SYTL4: variants seen among roughly 807,000 people sequenced by gnomAD.
SYTL4 encodes the protein synaptotagmin like 4.
In SYTL4, 16 loss-of-function variants were observed where a neutral mutation model predicts 52.7. That is an observed-to-expected ratio of 0.30 (90% confidence interval 0.21 to 0.46). The LOEUF (loss-of-function observed/expected upper bound fraction) is 0.46. SYTL4 is among the 20% of genes least tolerant of loss of function. The pLI is 1.00. For missense variants in SYTL4, 423 were observed against 519.9 expected, an observed-to-expected ratio of 0.81 and a Z score of 1.81; for synonymous variants, 160 against 186.6, an observed-to-expected ratio of 0.86 and a Z score of 1.16.
intron 2 of SYTL4, among the ~76,000 whole-genome samples, chrX:100,722,480 A>T (rs2147826804): frequency 9.0e-6 from 1 of 111,591 alleles, no homozygotes; most frequent in East Asian, 2.8e-4. Context: ...AAATAGAAAT[A>T]CCATCAGACA....
At chrX:100,716,924 T>G (rs925278689) in intron 2 of SYTL4, among the ~76,000 whole-genome samples, 1 of 112,078 alleles carries the variant, frequency 8.9e-6, no homozygotes, top group Non-Finnish European at 1.9e-5. Context: ...CAAAGTTCCC[T>G]TTGGATTCAG....
Position 100,700,973 on chromosome X carries a change from A to C in SYTL4, c.463T>G (p.Ser155Ala). ...CCCATCTGTGTCTGATGAAGGAGGG[A>C]CTGTCCCACTGTCTCTCTTTTACTC... ...AVSKRETVGQ[S>A]LLHQTQMGDI... The change falls in exon 8 of 20, where the codon TCC (serine) becomes GCC (alanine). Residue 155 changes from serine (S) to alanine (A), a missense_variant. Physicochemically the swap from Ser to Ala is moderately conservative, Grantham distance 99. Coordinates refer to ENST00000372989, the MANE Select transcript of SYTL4 (RefSeq NM_001370165.1). The C allele has an allele frequency of 8.3e-7, 1 of 1,206,833 alleles. No homozygotes were observed. The highest frequency in any genetic ancestry group is 3.0e-5 in the East Asian group (1 of 33,815).
chrX:100,711,126 G>A (rs1435318704), intron 2 of SYTL4, among the ~76,000 whole-genome samples: 1 of 111,843 alleles, frequency 8.9e-6, no homozygotes, highest in East Asian at 2.8e-4. Flanking sequence ...CCCAGATTAT[G>A]CACTGCTCTG....
At chrX:100,689,639 C>A (rs866742658) in intron 12 of SYTL4, among the ~76,000 whole-genome samples, 26 of 39,625 alleles carry the variant, frequency 6.6e-4, no homozygotes, top group African/African-American at 1.8e-3. Flanking sequence ...AACTCCGTCT[C>A]AAAAAAAAAA....
chrX:100,701,696 C>T (rs192325327), intron 5 of SYTL4, 23 bp from the exon 6 acceptor site: 35 of 1,175,479 alleles, frequency 3.0e-5, no homozygotes, highest in Admixed American at 1.1e-4. Flanking sequence ...AAAACAGAAG[C>T]GTAAGTGGAT....
chrX:100,728,409 T>G (rs1192225967), intron 2 of SYTL4, among the ~76,000 whole-genome samples: 1 of 112,080 alleles, frequency 8.9e-6, no homozygotes, highest in Non-Finnish European at 1.9e-5. Flanking sequence ...GGTAGAAAAC[T>G]AGTTAAGTAC....
chrX:100,728,940 G>A (rs1746930057), intron 2 of SYTL4, among the ~76,000 whole-genome samples: 1 of 109,927 alleles, frequency 9.1e-6, no homozygotes, highest in Admixed American at 9.7e-5. Flanking sequence ...GGGAGGCTGA[G>A]GCAGGAGAAT....
intron 4 of SYTL4, 46 bp downstream of exon 4, chrX:100,703,047 C>T (rs183637801): frequency 9.0e-6 from 1 of 111,484 alleles, no homozygotes; most frequent in African/African-American, 3.3e-5. Context: ...CTCTTAAAAA[C>T]TTTTTTAAAA....
At chrX:100,705,824 A>G (rs1244860349) in intron 2 of SYTL4, among the ~76,000 whole-genome samples, 1 of 111,776 alleles carries the variant, frequency 8.9e-6, no homozygotes, top group African/African-American at 3.2e-5. Flanking sequence ...TCATTTATGG[A>G]CCTGACCAAC....
chrX:100,679,534 G>T, intron 17 of SYTL4, 122 bp from the exon 18 acceptor site: 1 of 517,669 alleles, frequency 1.9e-6, no homozygotes, highest in Non-Finnish European at 3.3e-6. Context: ...ACAGAACCGT[G>T]CCTGTCCTGT....
At chrX:100,728,743 T>TA (rs1283325707) in intron 2 of SYTL4, among the ~76,000 whole-genome samples, 1 of 111,506 alleles carries the variant, frequency 9.0e-6, no homozygotes, top group Non-Finnish European at 1.9e-5. Context: ...CTCATACTTT[T>TA]AAAAAATAGA....
intron 16 of SYTL4, 81 bp downstream of exon 16, chrX:100,685,909 G>C (rs2083464283): frequency 1.0e-6 from 1 of 980,832 alleles, no homozygotes; most frequent in Non-Finnish European, 1.3e-6. Flanking sequence ...ATTCAAAGAC[G>C]CTACCAACAT....
At chrX:100,731,593 C>T (rs2084647038) in intron 1 of SYTL4, 88 bp from the exon 2 acceptor site, 1 of 108,201 alleles carries the variant, frequency 9.2e-6, no homozygotes, top group Non-Finnish European at 1.9e-5. Context: ...GCCCCCAGGG[C>T]CAGCTCTCGG....
chrX:100,700,941 G>C lies in SYTL4; in HGVS notation c.495C>G (p.Ile165Met). 8.3e-7 allele frequency: 1 copy of C among 1,210,889 alleles called. No individual in the cohort carries two copies. Among genetic ancestry groups the C allele is most frequent in the Non-Finnish European group, 1.1e-6 (1 of 894,988 alleles). Residue 165 changes from isoleucine (I) to methionine (M), a missense_variant, in exon 8 of 20, where the codon ATC (isoleucine) becomes ATG (methionine). Transcript: ENST00000372989. ...CCTGAATGATCTTTCTTCCTGGCCAGATGTCACCCATCTGTGTCTGATGAA... is the reference window on the plus strand; with the variant it reads ...CCTGAATGATCTTTCTTCCTGGCCACATGTCACCCATCTGTGTCTGATGAA... ...SLLHQTQMGD[I>M]WPGRKIIQER...
At position 100,701,677 on chromosome X, in the gene SYTL4, C is replaced by T. The variant is rs368978119; in HGVS notation, c.111-4G>A. 9.1e-6 allele frequency: 11 copies of T among 1,205,346 alleles called. No homozygotes were observed. Among genetic ancestry groups the T allele is most frequent in the Non-Finnish European group, 1.2e-5 (11 of 891,453 alleles). ...CAGTAACTCATTCTTTAGTCGCCTGCCAAGACCCAAAACAGAAGCGTAAGT... is the reference window on the plus strand; with the variant it reads ...CAGTAACTCATTCTTTAGTCGCCTGTCAAGACCCAAAACAGAAGCGTAAGT... On this transcript the variant is annotated splice_polypyrimidine_tract_variant and splice_region_variant and intron_variant, in intron 5 of 19. Transcript: ENST00000372989.
At chrX:100,706,749 G>A (rs975934116) in intron 2 of SYTL4, among the ~76,000 whole-genome samples, 2 of 111,693 alleles carry the variant, frequency 1.8e-5, no homozygotes, top group East Asian at 5.6e-4. Flanking sequence ...TGCCATTTAT[G>A]AGAGACACAT....
chrX:100,730,295 G>A (rs1014213295), intron 2 of SYTL4, among the ~76,000 whole-genome samples: 1 of 111,031 alleles, frequency 9.0e-6, no homozygotes, highest in East Asian at 2.8e-4. Context: ...CCATAGTCTC[G>A]GCAGTGCATC....
chrX:100,701,389 C>G, intron 6 of SYTL4, 60 bp from the exon 7 acceptor site: 1 of 1,170,724 alleles, frequency 8.5e-7, no homozygotes, highest in Non-Finnish European at 1.2e-6. Context: ...CTAATAAAGG[C>G]TGAGGAAAGA....
chrX:100,706,704 T>G (rs765960497), intron 2 of SYTL4, among the ~76,000 whole-genome samples: 1 of 112,002 alleles, frequency 8.9e-6, no homozygotes, highest in East Asian at 2.8e-4. Flanking sequence ...ATACAGGAAT[T>G]AACAGACTGG....
Sources: gnomAD v4.1 joint callset for allele counts (sites outside exome capture counted in the v4.1 genomes callset) on GRCh38, gnomAD v4.1.1 for gene constraint, MANE v1.5 for transcripts, NCBI Gene and HGNC (gene_info 2026-07-23, HGNC 2026-07-21) for gene names.